The following MYO1F variants were observed in gnomAD, a reference collection of about 807,000 sequenced individuals.
MYO1F encodes myosin IF.
MYO1F carries 60 observed loss-of-function variants against 146.6 expected under a neutral mutation model. The ratio of observed to expected loss-of-function variants is 0.41; its 90% CI spans 0.33 to 0.51. The LOEUF is 0.51. Among genes scored for constraint, MYO1F ranks in the 20% least tolerant of loss-of-function variants. The pLI is 0.25. For synonymous variants in MYO1F, 602 were observed against 602.1 expected, an observed-to-expected ratio of 1.00 and a Z score of 0.00; for missense variants, 1,274 against 1,534.3, an observed-to-expected ratio of 0.83 and a Z score of 2.83.
In MYO1F at chr19:8,554,487, C is replaced by G. The variant is rs781772109; in HGVS notation, c.316G>C (p.Val106Leu). 2 of 1,609,624 alleles carry G rather than the reference C, an allele frequency of 1.2e-6. No individual in the cohort carries two copies. Among genetic ancestry groups the G allele is most frequent in the Non-Finnish European group, 8.5e-7 (1 of 1,176,460 alleles). The change falls in exon 4 of 28, where the codon GTC (valine) becomes CTC (leucine). Residue 106 changes from valine (V) to leucine (L), a missense_variant. By Grantham distance (32) the Val-to-Leu change is conservative (BLOSUM62 1). Around this residue, in one of 2 missense-constraint regions of MYO1F, gnomAD observed 900 missense variants for 1,155.1 expected, o/e 0.78. Coordinates refer to ENST00000644032, the MANE Select transcript of MYO1F (RefSeq NM_012335.4). The part of the protein sequence containing the change: ...NMLIDCENQC[V>L]IISGESGAGK... ...CAACTCTGTCCATACCTAATGATGA[C>G]ACACTGGTTCTCACAGTCGATAAGC... is the stretch of plus-strand genomic sequence containing the variant.
chr19:8,521,597 C>T lies in MYO1F; in HGVS notation c.3228G>A (p.Ser1076=), dbSNP rs775985136. Residue 1076 remains serine, a synonymous_variant, in exon 28 of 28, where the codon TCG becomes TCA. Coordinates refer to ENST00000644032, the MANE Select transcript of MYO1F (RefSeq NM_012335.4). ...EVIEILMEDP[S]GWWKGRLHGQ... is the part of the protein sequence containing the mutation. ...CGTGAAGCCGGCCCTTCCACCAGCC[C>T]GAGGGATCTGTGGGAGAGAGGAAAG... 4.4e-5 allele frequency: 71 copies of T among 1,613,912 alleles called. No individual in the cohort carries two copies. The East Asian group carries it at 5.8e-4, about 13-fold the overall frequency.
In MYO1F at chr19:8,553,467, G is replaced by A. The variant is rs200264775; in HGVS notation, c.327-30C>T. 1.8e-4 allele frequency: 286 copies of A among 1,599,218 alleles called. 1 individual carries two copies. The African/African-American group carries it at 3.5e-3, about 19-fold the overall frequency. On this transcript the variant is annotated intron_variant, in intron 4 of 27. Transcript: ENST00000644032. Reference sequence around the variant, plus strand: ...GGATGAATGGAGGAATAAATGATCAGTGGTTGGGGAAGAGCCCTTTTTAGT... The same window carrying A: ...GGATGAATGGAGGAATAAATGATCAATGGTTGGGGAAGAGCCCTTTTTAGT...
At chr19:8,531,724 T>A (rs11880545) in intron 19 of MYO1F, among the ~76,000 whole-genome samples, 2,674 of 152,336 alleles carry the variant, frequency 0.018, 33 homozygotes, top group African/African-American at 0.037. Context: ...CACGGTTTCT[T>A]ACACTGTTAC....
intron 10 of MYO1F, among the ~76,000 whole-genome samples, chr19:8,548,606 C>CT (rs373162772): frequency 0.12 from 17,086 of 141,876 alleles, 2,044 homozygotes; most frequent in African/African-American, 0.29. Flanking sequence ...TTTTTTTTTT[C>CT]TTTTTTTTTT....
At position 8,530,487 on chromosome 19, in the gene MYO1F, G is replaced by T. The variant is rs1416105893; in HGVS notation, c.2130C>A (p.Val710=). ...IQKAWRRHVA[V]RKYEEMREEA... is the part of the protein sequence containing the mutation. ...CCTCCCGCATCTCCTCGTACTTCCG[G>T]ACAGCCACGTGGCGCCGCCAGGCCT... Residue 710 remains valine, a synonymous_variant, in exon 20 of 28, where the codon GTC becomes GTA. Coordinates refer to ENST00000644032, the MANE Select transcript of MYO1F (RefSeq NM_012335.4). The surrounding 1 kb of genome is among the most constrained non-coding windows in gnomAD (Gnocchi z 5.8). 3 of 1,613,732 alleles carry T rather than the reference G, an allele frequency of 1.9e-6. No individual in the cohort carries two copies. Among genetic ancestry groups the T allele is most frequent in the Non-Finnish European group, 2.5e-6 (3 of 1,180,022 alleles).
At chr19:8,566,055 G>A (rs1262693747) in intron 1 of MYO1F, among the ~76,000 whole-genome samples, 1 of 151,986 alleles carries the variant, frequency 6.6e-6, no homozygotes, top group Non-Finnish European at 1.5e-5. Flanking sequence ...GTTACAGTGA[G>A]CTGTGATTGT....
intron 17 of MYO1F, 141 bp from the exon 18 acceptor site, chr19:8,536,738 G>C: frequency 3.7e-6 from 1 of 266,688 alleles, no homozygotes; most frequent in South Asian, 3.0e-5. Flanking sequence ...CTGTGGTCTG[G>C]GGGGGCTTCG....
chr19:8,536,200 C>G, intron 19 of MYO1F, 52 bp downstream of exon 19: 1 of 1,586,970 alleles, frequency 6.3e-7, no homozygotes, highest in Non-Finnish European at 8.6e-7. Context: ...CCTCTCTATA[C>G]CTTTCTCTCT....
At chr19:8,525,882 T>G (rs1972246502) in intron 24 of MYO1F, among the ~76,000 whole-genome samples, 1 of 152,134 alleles carries the variant, frequency 6.6e-6, no homozygotes, top group Admixed American at 6.5e-5. Context: ...TCCTTAACAG[T>G]CTTTCTCTCT....
At chr19:8,558,702 A>T (rs1437824978) in intron 1 of MYO1F, among the ~76,000 whole-genome samples, 1 of 152,036 alleles carries the variant, frequency 6.6e-6, no homozygotes, top group Non-Finnish European at 1.5e-5. Context: ...TGGTGAACTG[A>T]TGGTCAGATA....
chr19:8,541,425 G>GTTTTT (rs4040643), intron 15 of MYO1F, among the ~76,000 whole-genome samples: 3 of 87,938 alleles, frequency 3.4e-5, no homozygotes, highest in Non-Finnish European at 5.8e-5. Context: ...GTGTGTGTGT[G>GTTTTT]TTTTTTTTTT....
intron 17 of MYO1F, 101 bp downstream of exon 17, chr19:8,536,848 C>T: frequency 3.6e-6 from 3 of 839,270 alleles, no homozygotes; most frequent in Non-Finnish European, 5.9e-6. Context: ...GTGCTAGTCC[C>T]TGGGTCATCC....
At chr19:8,549,724 CA>C (rs1288172568) in intron 10 of MYO1F, 1 of 193,488 alleles carries the variant, frequency 5.2e-6, no homozygotes, top group African/African-American at 2.4e-5. Flanking sequence ...AGGCTGGTCT[CA>C]AACTCCAGAC....
intron 25 of MYO1F, among the ~76,000 whole-genome samples, chr19:8,524,594 AAAAAAG>A (rs928672514): frequency 6.6e-6 from 1 of 151,904 alleles, no homozygotes; most frequent in Non-Finnish European, 1.5e-5. Flanking sequence ...AAAAAAAAAA[AAAAAAG>A]AAAGAATTTT....
In MYO1F at chr19:8,522,756, GC is replaced by G; in HGVS notation, c.2927del (p.Gly976AlafsTer85). 1 of 1,610,612 alleles carries G rather than the reference GC, an allele frequency of 6.2e-7. No homozygotes were observed. ...GAGGGCCCCGGGGAGGCCTGTGGGTGCCCCCTCCAGACATGATCTCCAGGGG... is the reference window on the plus strand; with the variant it reads ...GAGGGCCCCGGGGAGGCCTGTGGGTGCCCCTCCAGACATGATCTCCAGGGG... ...PLPLEIMSGGGTHRPPRGPPS... is the reference protein window; with the variant it reads ...PLPLEIMSGGXTHRPPRGPPS... On this transcript the variant is annotated frameshift_variant, in exon 26 of 28. Transcript: ENST00000644032. LOFTEE classifies it high-confidence loss of function.
At chr19:8,547,934 TG>T in intron 12 of MYO1F, 101 bp downstream of exon 12, 1 of 1,129,168 alleles carries the variant, frequency 8.9e-7, no homozygotes, top group Non-Finnish European at 1.3e-6. Context: ...GGGAACGCGG[TG>T]GGGAGGGCTG....
rs929533264 is a variant in MYO1F, at chr19:8,565,042, G to C, written c.4-9246C>G. Among the ~76,000 whole-genome samples, 21 of 151,964 alleles carry C rather than the reference G, an allele frequency of 1.4e-4. No homozygotes were observed. The East Asian group carries it at 4.1e-3, about 30-fold the overall frequency. On this transcript the variant is annotated intron_variant, in intron 1 of 27. Coordinates refer to ENST00000644032, the MANE Select transcript of MYO1F (RefSeq NM_012335.4). The stretch of plus-strand genomic sequence containing the variant: ...CCCACCTCAGCCTCCCACTGTGCTG[G>C]GATTACAGGCATGAGCCACTGTGTC...
In MYO1F at chr19:8,574,633, CTT is replaced by C. The variant is rs1555733194; in HGVS notation, c.3+2672_3+2673del. Among the ~76,000 whole-genome samples the C allele has an allele frequency of 3.1e-3, 132 of 42,536 alleles. 3 individuals carry two copies. Among genetic ancestry groups the C allele is most frequent in the East Asian group, 0.014 (8 of 574 alleles). The allele number at this position is 42,536 out of a possible 152,430, so 27.9% of individuals were successfully genotyped here. On this transcript the variant is annotated intron_variant, in intron 1 of 27. Coordinates refer to ENST00000644032, the MANE Select transcript of MYO1F (RefSeq NM_012335.4). ...TCTTTCTTTCTTTCTTTCTTTCTTT[CTT>C]TCTTTCTTTCCTTTCTTTCTCTTTC...
chr19:8,554,671 C>T lies in MYO1F; in HGVS notation c.214G>A (p.Asp72Asn), dbSNP rs373961813. ...QMPYFTDREI[D>N]LYQGAAQYEN... Reference sequence around the variant, plus strand: ...AGCCTCACCGCGCCCTGATAGAGGTCGATCTCACGGTCGGTGAAGTAGGGC... The same window carrying T: ...AGCCTCACCGCGCCCTGATAGAGGTTGATCTCACGGTCGGTGAAGTAGGGC... The change falls in exon 3 of 28, where the codon GAC (aspartate) becomes AAC (asparagine). Residue 72 changes from aspartate (D) to asparagine (N), a missense_variant. Asp to Asn is a conservative substitution (Grantham distance 23). Transcript: ENST00000644032. 1.5e-5 allele frequency: 25 copies of T among 1,613,758 alleles called. No homozygotes were observed. The African/African-American group carries it at 2.7e-4, about 17-fold the overall frequency.
Sources: allele counts gnomAD v4.1 joint callset (sites outside exome capture counted in the v4.1 genomes callset), GRCh38; gene constraint gnomAD v4.1.1; regional missense constraint gnomAD v4.1.1; non-coding constraint Gnocchi (gnomAD v3.1); transcripts MANE v1.5; gene names NCBI Gene and HGNC (gene_info 2026-07-23, HGNC 2026-07-21).